The following KDR variants were observed in gnomAD, a reference collection of about 807,000 sequenced individuals.
KDR encodes the protein kinase insert domain receptor.
Under a neutral mutation model 160.9 loss-of-function variants are expected in KDR, and 43 were observed. The ratio of observed to expected loss-of-function variants is 0.27; its 90% confidence interval spans 0.21 to 0.34. The LOEUF (loss-of-function observed/expected upper bound fraction) is 0.34, where lower values mean the gene tolerates loss of function less well. KDR is among the 10% of genes least tolerant of loss of function. The probability of loss-of-function intolerance (pLI) is 1.00; values close to 1 mark genes in which losing one functional copy is unlikely to be tolerated. For missense variants in KDR, 1,469 were observed against 1,666.4 expected, an observed-to-expected ratio of 0.88 and a Z score of 2.06; for synonymous variants, 617 against 600.1, an observed-to-expected ratio of 1.03 and a Z score of -0.41.
intron 24 of KDR, 42 bp from the exon 25 acceptor site, chr4:55,089,515 C>T (rs781752939): frequency 1.3e-6 from 2 of 1,518,490 alleles, no homozygotes; most frequent in South Asian, 1.1e-5. Flanking sequence ...ATTTGATTTT[C>T]TCTTATAGAA....
intron 11 of KDR, among the ~76,000 whole-genome samples, chr4:55,106,392 T>C (rs557384648): frequency 6.6e-6 from 1 of 152,312 alleles, no homozygotes; most frequent in East Asian, 1.9e-4. Context: ...ATGAAACTAA[T>C]GATGTGTTTT....
At chr4:55,114,370 T>G in intron 5 of KDR, 105 bp from the exon 6 acceptor site, 1 of 1,245,454 alleles carries the variant, frequency 8.0e-7, no homozygotes, top group South Asian at 1.3e-5. Context: ...CATGCCACAT[T>G]GTTTTTCCCT....
chr4:55,094,916 C>G lies in KDR; in HGVS notation c.2857G>C (p.Gly953Arg), dbSNP rs1473255990. Residue 953 changes from glycine (G) to arginine (R), a missense_variant, in exon 21 of 30, where the codon GGA (glycine) becomes CGA (arginine). Physicochemically the swap from Gly to Arg is moderately radical, Grantham distance 125. Transcript: ENST00000263923. ...CGTTTCAGATCCACAGGGATTGCTC[C>G]AACGTAGTCTTTCCCTTGACGGAAT... Reference protein sequence around the residue: ...ARFRQGKDYVGAIPVDLKRRL... With the variant: ...ARFRQGKDYVRAIPVDLKRRL... 2 of 1,613,970 alleles carry G rather than the reference C, an allele frequency of 1.2e-6. No individual in the cohort carries two copies. Among genetic ancestry groups the G allele is most frequent in the South Asian group, 1.1e-5 (1 of 91,080 alleles).
At chr4:55,123,489 A>G (rs748999954) in intron 1 of KDR, among the ~76,000 whole-genome samples, 2 of 152,262 alleles carry the variant, frequency 1.3e-5, no homozygotes, top group Non-Finnish European at 2.9e-5. Context: ...TATGTCCTTC[A>G]TTCATAGGAA....
In KDR at chr4:55,106,813, A is replaced by G; in HGVS notation, c.1413-3T>C. ...GGTTTGTCACTGAGACAGCTTGGCT[A>G]TAAGAAAGAGATAACAGCGCATATT... On this transcript the variant is annotated splice_region_variant and splice_polypyrimidine_tract_variant and intron_variant, in intron 10 of 29. Coordinates refer to ENST00000263923, the MANE Select transcript of KDR (RefSeq NM_002253.4). 1 of 1,605,436 alleles carries G rather than the reference A, an allele frequency of 6.2e-7. No homozygotes were observed. The highest frequency in any genetic ancestry group is 8.5e-7 in the Non-Finnish European group (1 of 1,172,152).
chr4:55,103,987 G>T (rs1242560905), intron 13 of KDR, among the ~76,000 whole-genome samples: 1 of 152,154 alleles, frequency 6.6e-6, no homozygotes, highest in African/African-American at 2.4e-5. Flanking sequence ...AGAGCTATCT[G>T]CTCACTGAAG....
At chr4:55,109,673 A>C (rs772833893) in intron 9 of KDR, among the ~76,000 whole-genome samples, 12 of 152,158 alleles carry the variant, frequency 7.9e-5, no homozygotes, top group Non-Finnish European at 1.6e-4. Context: ...AATATACATT[A>C]GCATATAAAA....
rs567312547 is a variant in KDR, at chr4:55,093,938, G to A, written c.2971+864C>T. 1.6e-4 allele frequency among the ~76,000 whole-genome samples: 24 copies of A among 152,222 alleles called. No homozygotes were observed. In the South Asian group the frequency reaches 3.7e-3, roughly 24 times the overall value. On this transcript the variant is annotated intron_variant, in intron 21 of 29. Transcript: ENST00000263923. ...ACTCAGGCCAGGCACGGAGGCTTAC[G>A]CCTATAATCCCAGCACTTTGGGAGG...
intron 13 of KDR, among the ~76,000 whole-genome samples, chr4:55,102,887 T>C (rs746639190): frequency 9.8e-5 from 15 of 152,314 alleles, no homozygotes; most frequent in Non-Finnish European, 8.8e-5. Flanking sequence ...GTGCCAAATT[T>C]TAGTATCATT....
At position 55,097,773 on chromosome 4, in the gene KDR, TCAACAA is replaced by T; in HGVS notation, c.2510-13_2510-8del. ...CCACGGCCAAGAGGCTTACCTAGAG[TCAACAA>T]CAACAGCAACAAGAAAACAGACTTG... On this transcript the variant is annotated splice_polypyrimidine_tract_variant and splice_region_variant and intron_variant, in intron 17 of 29. Coordinates refer to ENST00000263923, the MANE Select transcript of KDR (RefSeq NM_002253.4). 1 of 1,592,888 alleles carries T rather than the reference TCAACAA, an allele frequency of 6.3e-7. No individual in the cohort carries two copies. Among genetic ancestry groups the T allele is most frequent in the Non-Finnish European group, 8.6e-7 (1 of 1,161,934 alleles).
chr4:55,113,524 A>G (rs1397342384), intron 6 of KDR, 43 bp from the exon 7 acceptor site: 2 of 1,542,812 alleles, frequency 1.3e-6, no homozygotes, highest in African/African-American at 2.7e-5. Flanking sequence ...ACAGCATATA[A>G]CATTACCCAA....
intron 25 of KDR, among the ~76,000 whole-genome samples, 168 bp from the exon 26 acceptor site, chr4:55,089,141 A>G (rs1719943409): frequency 6.6e-6 from 1 of 152,224 alleles, no homozygotes; most frequent in Admixed American, 6.5e-5. Context: ...CTCAATGTGT[A>G]TAGAAAACAT....
chr4:55,112,210 C>G (rs1368920832), intron 7 of KDR, among the ~76,000 whole-genome samples: 1 of 152,136 alleles, frequency 6.6e-6, no homozygotes, highest in Non-Finnish European at 1.5e-5. Context: ...AGATTTTCTT[C>G]CACCTCTGCC....
At chr4:55,121,632 C>T (rs1459932092) in intron 1 of KDR, among the ~76,000 whole-genome samples, 1 of 152,202 alleles carries the variant, frequency 6.6e-6, no homozygotes, top group Non-Finnish European at 1.5e-5. Context: ...AGTTCATCTA[C>T]GTACCCTGAA....
chr4:55,119,006 C>T (rs977854866), intron 2 of KDR, among the ~76,000 whole-genome samples: 3 of 152,120 alleles, frequency 2.0e-5, no homozygotes, highest in East Asian at 1.9e-4. Context: ...GCCAGGAGTT[C>T]GAGACCAGGC....
chr4:55,081,703 A>T (rs952136543), intron 29 of KDR, among the ~76,000 whole-genome samples: 1 of 152,252 alleles, frequency 6.6e-6, no homozygotes, highest in African/African-American at 2.4e-5. Context: ...CAGTAAATAT[A>T]CACAGAAATT....
intron 3 of KDR, among the ~76,000 whole-genome samples, chr4:55,117,786 A>G (rs185364294): frequency 3.9e-5 from 6 of 152,316 alleles, no homozygotes; most frequent in African/African-American, 1.4e-4. Flanking sequence ...GGTACATCCA[A>G]CCAAACTATG....
intron 13 of KDR, among the ~76,000 whole-genome samples, chr4:55,103,102 G>A (rs1280056732): frequency 1.3e-5 from 2 of 152,104 alleles, no homozygotes; most frequent in Admixed American, 1.3e-4. Flanking sequence ...ACAGAATCTG[G>A]TGAGGCTAAA....
intron 13 of KDR, among the ~76,000 whole-genome samples, chr4:55,103,376 T>A (rs1720363410): frequency 6.6e-6 from 1 of 152,220 alleles, no homozygotes; most frequent in Non-Finnish European, 1.5e-5. Flanking sequence ...CATTGAAGTC[T>A]AAGCAAATGT....
Sources: gnomAD v4.1 joint callset for allele counts (sites outside exome capture counted in the v4.1 genomes callset) on GRCh38, gnomAD v4.1.1 for gene constraint, MANE v1.5 for transcripts, NCBI Gene and HGNC (gene_info 2026-07-23, HGNC 2026-07-21) for gene names.